UBE2D3: variants seen among roughly 807,000 people sequenced by gnomAD.
The protein encoded by UBE2D3 is ubiquitin-conjugating enzyme E2 D3.
UBE2D3 carries 2 observed loss-of-function variants against 22.8 expected under a neutral mutation model. The ratio of observed to expected loss-of-function variants is 0.09; its 90% confidence interval spans 0.04 to 0.28. UBE2D3 has a LOEUF of 0.28. Ranked by LOEUF, UBE2D3 falls within the 10% of genes least tolerant of loss-of-function variation. The pLI is 1.00. For missense variants in UBE2D3, 27 were observed against 182.5 expected (o/e 0.15, Z 4.91); for synonymous variants, 56 against 60.4 (o/e 0.93, Z 0.34).
intron 2 of UBE2D3, among the ~76,000 whole-genome samples, chr4:102,815,318 G>A (rs982460582): frequency 6.6e-6 from 1 of 152,080 alleles, no homozygotes; most frequent in African/African-American, 2.4e-5. Context: ...GGGATTACAG[G>A]CGTGAGCCAC....
At chr4:102,830,347 G>C (rs1731053411), upstream of UBE2D3, among the ~76,000 whole-genome samples, 1 of 152,110 alleles carries the variant, frequency 6.6e-6, no homozygotes, top group Non-Finnish European at 1.5e-5. Flanking sequence ...TTTTTATATT[G>C]CAGTCGGAAA....
chr4:102,844,698 G>C (rs1289627681), intron 1 of UBE2D3, among the ~76,000 whole-genome samples: 1 of 152,032 alleles, frequency 6.6e-6, no homozygotes, highest in Non-Finnish European at 1.5e-5. Flanking sequence ...TCTAGTATTA[G>C]TACAAGTTAA....
At chr4:102,813,915 T>C (rs927160874) in intron 2 of UBE2D3, among the ~76,000 whole-genome samples, 2 of 152,236 alleles carry the variant, frequency 1.3e-5, no homozygotes, top group Middle Eastern at 6.8e-3. Flanking sequence ...ACAACAAAAA[T>C]AGAGTAGACA....
intron 2 of UBE2D3, among the ~76,000 whole-genome samples, chr4:102,817,823 G>C (rs1198726250): frequency 6.6e-6 from 1 of 152,080 alleles, no homozygotes; most frequent in African/African-American, 2.4e-5. Context: ...ACTATTTACT[G>C]GACTGGAAAT....
chr4:102,855,798 A>C (rs1732590748), intron 1 of UBE2D3, among the ~76,000 whole-genome samples: 1 of 152,206 alleles, frequency 6.6e-6, no homozygotes, highest in Admixed American at 6.5e-5. Flanking sequence ...ATAGGTAAAT[A>C]ATTTTGTTCA....
intron 2 of UBE2D3, among the ~76,000 whole-genome samples, chr4:102,814,308 A>G (rs1728486440): frequency 7.1e-6 from 1 of 140,136 alleles, no homozygotes; most frequent in Non-Finnish European, 1.5e-5. Flanking sequence ...TTTTTTTTTG[A>G]GATGGAGTCT....
chr4:102,801,323 T>C, intron 6 of UBE2D3, 131 bp downstream of exon 6: 1 of 746,126 alleles, frequency 1.3e-6, no homozygotes. Context: ...GAACAAAAAT[T>C]ATAAAAGTAA....
chr4:102,809,634 T>C (rs1444264011), intron 4 of UBE2D3, 38 bp downstream of exon 4: 4 of 1,559,178 alleles, frequency 2.6e-6, no homozygotes, highest in Non-Finnish European at 3.5e-6. Flanking sequence ...ATGCTGGATT[T>C]TCACTTAAAA....
At chr4:102,839,800 G>A (rs1560884902) in intron 1 of UBE2D3, among the ~76,000 whole-genome samples, 1 of 152,136 alleles carries the variant, frequency 6.6e-6, no homozygotes, top group Non-Finnish European at 1.5e-5. Flanking sequence ...AGCCAAATTG[G>A]ACTATATTAA....
chr4:102,831,171 G>C (rs1731097276), upstream of UBE2D3, among the ~76,000 whole-genome samples: 1 of 152,160 alleles, frequency 6.6e-6, no homozygotes, highest in Non-Finnish European at 1.5e-5. Flanking sequence ...CTACGGTCCA[G>C]ATTTTATATT....
intron 1 of UBE2D3, 72 bp from the exon 2 acceptor site, chr4:102,826,708 A>G: frequency 6.9e-7 from 1 of 1,444,134 alleles, no homozygotes; most frequent in Admixed American, 2.8e-5. Context: ...AGGTCCCTTA[A>G]GACAGCCGCG....
At chr4:102,846,173 C>T (rs1380213693) in intron 1 of UBE2D3, among the ~76,000 whole-genome samples, 1 of 152,170 alleles carries the variant, frequency 6.6e-6, no homozygotes, top group Non-Finnish European at 1.5e-5. Context: ...TAACTCAGTT[C>T]CACTACAGTG....
chr4:102,855,784 C>A (rs1004403549), intron 1 of UBE2D3, among the ~76,000 whole-genome samples: 1 of 152,086 alleles, frequency 6.6e-6, no homozygotes, highest in East Asian at 1.9e-4. Flanking sequence ...CATCAGTCAA[C>A]AAGATAGGTA....
At chr4:102,850,338 G>A (rs1197266794) in intron 1 of UBE2D3, among the ~76,000 whole-genome samples, 1 of 99,622 alleles carries the variant, frequency 1.0e-5, no homozygotes. Flanking sequence ...ACTCATTTTT[G>A]CATATATGCT....
intron 1 of UBE2D3, among the ~76,000 whole-genome samples, chr4:102,834,813 C>G (rs1484741781): frequency 6.6e-6 from 1 of 150,980 alleles, no homozygotes; most frequent in African/African-American, 2.4e-5. Context: ...CAGGGTCTCT[C>G]TGTTACCCAA....
chr4:102,801,605 T>A (rs768702299), intron 5 of UBE2D3, 46 bp from the exon 6 acceptor site: 4 of 1,437,232 alleles, frequency 2.8e-6, no homozygotes, highest in Non-Finnish European at 2.9e-6. Context: ...AAAACAAACA[T>A]CTTTTAAAGC....
At chr4:102,826,954 A>G in intron 1 of UBE2D3, 1 of 1,004,304 alleles carries the variant, frequency 1.0e-6, no homozygotes, top group Non-Finnish European at 1.2e-6. Context: ...AGTCGGCGCT[A>G]TACCGGCGTC....
intron 2 of UBE2D3, among the ~76,000 whole-genome samples, chr4:102,818,079 C>T (rs909977716): frequency 2.6e-5 from 4 of 152,150 alleles, no homozygotes; most frequent in African/African-American, 7.2e-5. Flanking sequence ...GTGCTGACTA[C>T]CCCTCACCTA....
intron 2 of UBE2D3, chr4:102,819,478 T>TC (rs2110311913): frequency 1.3e-6 from 1 of 795,744 alleles, no homozygotes; most frequent in African/African-American, 1.9e-5. Flanking sequence ...ATCTGAACAT[T>TC]CGGTTAACTT....
Sources: allele counts gnomAD v4.1 joint callset (sites outside exome capture counted in the v4.1 genomes callset), GRCh38; gene constraint gnomAD v4.1.1; transcripts MANE v1.5; gene names NCBI Gene and HGNC (gene_info 2026-07-23, HGNC 2026-07-21).